Variants in PDE4D observed in about 807,000 individuals in gnomAD.
PDE4D encodes the protein 3',5'-cyclic-AMP phosphodiesterase 4D.
Under a neutral mutation model 87.4 loss-of-function variants are expected in PDE4D, and 24 were observed. That is an observed-to-expected ratio of 0.27 (90% CI 0.20 to 0.39). PDE4D has a LOEUF of 0.39. PDE4D is among the 10% of genes least tolerant of loss of function. The pLI, the probability that PDE4D is intolerant of heterozygous loss-of-function variation, is 1.00. For synonymous variants in PDE4D, 384 were observed against 383.2 expected (o/e 1.00, Z -0.02); for missense variants, 714 against 1,041.0 (o/e 0.69, Z 4.32).
chr5:60,128,401 A>G (rs1779295003), intron 2 of PDE4D, among the ~76,000 whole-genome samples: 1 of 152,180 alleles, frequency 6.6e-6, no homozygotes, highest in African/African-American at 2.4e-5. Flanking sequence ...GCTAGACCAC[A>G]TTTCTTTTGT....
chr5:60,053,953 A>T (rs1273582979), intron 2 of PDE4D, among the ~76,000 whole-genome samples: 1 of 152,250 alleles, frequency 6.6e-6, no homozygotes, highest in Non-Finnish European at 1.5e-5. Context: ...ACCACTGGTC[A>T]TTAGACAAAT....
chr5:59,517,703 G>A (rs989789874), intron 1 of PDE4D, among the ~76,000 whole-genome samples: 2 of 152,200 alleles, frequency 1.3e-5, no homozygotes, highest in African/African-American at 4.8e-5. Context: ...GCAGTTACAT[G>A]AGTTAAAATA....
At chr5:59,022,118 T>TC (rs1389514921) in intron 6 of PDE4D, among the ~76,000 whole-genome samples, 1 of 152,122 alleles carries the variant, frequency 6.6e-6, no homozygotes, top group East Asian at 1.9e-4. Flanking sequence ...GCTCTACCCC[T>TC]CCCTCCATTT....
At chr5:59,609,253 C>G (rs571666506) in intron 1 of PDE4D, among the ~76,000 whole-genome samples, 3 of 151,974 alleles carry the variant, frequency 2.0e-5, no homozygotes, top group Non-Finnish European at 4.4e-5. Context: ...TCAGTTCTCC[C>G]TCTTTAAGGC....
chr5:60,359,018 A>G (rs530306329), intron 1 of PDE4D, among the ~76,000 whole-genome samples: 25 of 152,308 alleles, frequency 1.6e-4, no homozygotes, highest in African/African-American at 5.8e-4. Flanking sequence ...GTGGGTGACA[A>G]GGGTGAAGAT....
intron 1 of PDE4D, among the ~76,000 whole-genome samples, chr5:59,469,734 A>T (rs530656541): frequency 6.6e-6 from 1 of 152,344 alleles, no homozygotes; most frequent in East Asian, 1.9e-4. Context: ...GAGTCCCAAA[A>T]GAATATGGGA....
At chr5:59,184,478 T>C (rs1398036463) in intron 4 of PDE4D, among the ~76,000 whole-genome samples, 1 of 152,188 alleles carries the variant, frequency 6.6e-6, no homozygotes, top group African/African-American at 2.4e-5. Context: ...CCTCTTAATA[T>C]GATTTAAATG....
rs1474118440 is a variant in PDE4D, at chr5:59,549,408, A to T, written c.456-333440T>A. Among the ~76,000 whole-genome samples, 4 of 152,326 alleles carry T rather than the reference A, an allele frequency of 2.6e-5. No individual in the cohort carries two copies. In the East Asian group the frequency reaches 5.8e-4, roughly 22 times the overall value. On this transcript the variant is annotated intron_variant, in intron 1 of 14. Coordinates refer to ENST00000340635, the MANE Select transcript of PDE4D (RefSeq NM_001104631.2). ...GTTAGCTAGAAATAAGAGTAGAGTGACATTCGTTTGATTAGAGCAGAACCA... is the reference window on the plus strand; with the variant it reads ...GTTAGCTAGAAATAAGAGTAGAGTGTCATTCGTTTGATTAGAGCAGAACCA...
chr5:59,898,682 A>G (rs1751925148), upstream of PDE4D, among the ~76,000 whole-genome samples: 1 of 152,214 alleles, frequency 6.6e-6, no homozygotes, highest in Non-Finnish European at 1.5e-5. Flanking sequence ...ATTGTGGGGC[A>G]TTGGACATTC....
At chr5:59,724,442 G>C (rs1161405623) in intron 1 of PDE4D, among the ~76,000 whole-genome samples, 1 of 152,032 alleles carries the variant, frequency 6.6e-6, no homozygotes, top group Non-Finnish European at 1.5e-5. Flanking sequence ...GGGGTGTACA[G>C]ATCATTTTGT....
intron 5 of PDE4D, among the ~76,000 whole-genome samples, chr5:59,062,568 C>T (rs781428171): frequency 7.2e-5 from 11 of 151,828 alleles, no homozygotes; most frequent in Non-Finnish European, 1.3e-4. Flanking sequence ...GGATAGAGGG[C>T]TATGATGTGT....
chr5:60,468,269 C>T (rs1486548922), intron 1 of PDE4D, among the ~76,000 whole-genome samples: 1 of 151,304 alleles, frequency 6.6e-6, no homozygotes, highest in Non-Finnish European at 1.5e-5. Flanking sequence ...CTCCTGAGTA[C>T]CTGGAACCAC....
At chr5:59,057,094 C>G (rs1332264332) in intron 5 of PDE4D, among the ~76,000 whole-genome samples, 2 of 152,158 alleles carry the variant, frequency 1.3e-5, no homozygotes, top group African/African-American at 4.8e-5. Flanking sequence ...GCATAATTCT[C>G]CTTCACGGAA....
At chr5:59,138,128 G>A (rs1360064716) in intron 5 of PDE4D, among the ~76,000 whole-genome samples, 1 of 152,214 alleles carries the variant, frequency 6.6e-6, no homozygotes, top group East Asian at 1.9e-4. Flanking sequence ...TTTTGTCCCT[G>A]AAATTGGGCA....
chr5:59,134,176 C>A (rs151178632), intron 5 of PDE4D, among the ~76,000 whole-genome samples: 13 of 147,662 alleles, frequency 8.8e-5, no homozygotes, highest in African/African-American at 3.0e-4. Context: ...GGAATTTGAT[C>A]AAAAACTGTG....
chr5:59,062,203 T>C (rs1395673340), intron 5 of PDE4D, among the ~76,000 whole-genome samples: 3 of 152,178 alleles, frequency 2.0e-5, no homozygotes, highest in Admixed American at 6.5e-5. Context: ...TATAATAGCA[T>C]GGATAAGACA....
chr5:59,019,671 C>T (rs1754708054), intron 6 of PDE4D, among the ~76,000 whole-genome samples: 1 of 152,156 alleles, frequency 6.6e-6, no homozygotes, highest in Admixed American at 6.6e-5. Context: ...CTATTAGATG[C>T]CTATATAAAT....
At chr5:59,211,864 C>A (rs868840418) in intron 2 of PDE4D, among the ~76,000 whole-genome samples, 2 of 151,976 alleles carry the variant, frequency 1.3e-5, no homozygotes, top group African/African-American at 4.8e-5. Context: ...GGATTATCTT[C>A]CTTCTTCTCA....
At chr5:59,014,151 A>G (rs1753459145) in intron 6 of PDE4D, among the ~76,000 whole-genome samples, 1 of 152,198 alleles carries the variant, frequency 6.6e-6, no homozygotes, top group Non-Finnish European at 1.5e-5. Flanking sequence ...GTATCTCAAA[A>G]TAGTAAGAGC....
Sources: allele counts gnomAD v4.1 joint callset (sites outside exome capture counted in the v4.1 genomes callset), GRCh38; gene constraint gnomAD v4.1.1; transcripts MANE v1.5; gene names NCBI Gene and HGNC (gene_info 2026-07-23, HGNC 2026-07-21).